MTARC2: variants seen among roughly 807,000 people sequenced by gnomAD.
The protein encoded by MTARC2 is mitochondrial amidoxime reducing component 2.
Under a neutral mutation model 35.6 loss-of-function variants are expected in MTARC2, and 27 were observed. The ratio of observed to expected loss-of-function variants is 0.76; its 90% CI spans 0.56 to 1.04. MTARC2 has a LOEUF of 1.04. Ranked by LOEUF, MTARC2 falls within the 50% of genes least tolerant of loss-of-function variation. The probability of loss-of-function intolerance (pLI) is 0.00; values close to 1 mark genes in which losing one functional copy is unlikely to be tolerated. For missense variants in MTARC2, 412 were observed against 432.5 expected (o/e 0.95, Z 0.42); for synonymous variants, 158 against 167.1 (o/e 0.95, Z 0.42).
rs57776178 is a variant in MTARC2, at chr1:220,771,296, C to CAAAAAAAAAAAA, written c.750+8258_750+8269dup. On this transcript the variant is annotated intron_variant, in intron 4 of 7. Transcript: ENST00000366913. The stretch of plus-strand genomic sequence containing the variant: ...CCTTGGTGACAGAGTGAGACTGTCT[C>CAAAAAAAAAAAA]AAAAAAAAAAAAAAAAAAAAAAAGC... Among the ~76,000 whole-genome samples the CAAAAAAAAAAAA allele has an allele frequency of 6.0e-4, 34 of 57,102 alleles. 4 individuals carry two copies. Among genetic ancestry groups the CAAAAAAAAAAAA allele is most frequent in the African/African-American group, 2.3e-3 (34 of 14,680 alleles). The allele number at this position is 57,102 out of a possible 152,430, so 37.5% of individuals were successfully genotyped here. A position where few individuals can be genotyped will look rare whatever the true frequency, so the allele number is the denominator to read the frequency against.
intron 7 of MTARC2, among the ~76,000 whole-genome samples, chr1:220,783,316 T>G (rs139123339): frequency 7.5e-4 from 115 of 152,330 alleles, no homozygotes; most frequent in African/African-American, 2.6e-3. Context: ...GGGGAAACTG[T>G]GAAGCTCCTA....
At chr1:220,768,453 G>C (rs1671644403) in intron 4 of MTARC2, among the ~76,000 whole-genome samples, 1 of 152,178 alleles carries the variant, frequency 6.6e-6, no homozygotes, top group South Asian at 2.1e-4. Context: ...CTGAGACTCA[G>C]AGAAGTTGAG....
At position 220,749,438 on chromosome 1, in the gene MTARC2, T is replaced by C. The variant is rs1366082533; in HGVS notation, c.272+635T>C. ...TAAGATGCCTTCTTCTTTTTTTTTT[T>C]TTTTTTTTTTGAGACAGAATCTCAC... On this transcript the variant is annotated intron_variant, in intron 1 of 7. Coordinates refer to ENST00000366913, the MANE Select transcript of MTARC2 (RefSeq NM_017898.5). Among the ~76,000 whole-genome samples, 7 of 150,634 alleles carry C rather than the reference T, an allele frequency of 4.6e-5. No individual in the cohort carries two copies. In the East Asian group the frequency reaches 9.7e-4, roughly 21 times the overall value.
At chr1:220,761,846 A>G (rs1671446096) in intron 3 of MTARC2, 26 bp downstream of exon 3, 1 of 1,578,714 alleles carries the variant, frequency 6.3e-7, no homozygotes, top group South Asian at 1.2e-5. Context: ...GTTTACCTTC[A>G]CTGCTACTAG....
intron 4 of MTARC2, among the ~76,000 whole-genome samples, chr1:220,772,288 T>C (rs1026414447): frequency 6.6e-6 from 1 of 152,230 alleles, no homozygotes; most frequent in Non-Finnish European, 1.5e-5. Context: ...TCTGTATATA[T>C]TGCCAAATTG....
intron 1 of MTARC2, among the ~76,000 whole-genome samples, chr1:220,749,202 C>G (rs1341324773): frequency 6.6e-6 from 1 of 152,152 alleles, no homozygotes; most frequent in Admixed American, 6.5e-5. Flanking sequence ...CCTTGCTGGG[C>G]CTTGTTCCTC....
chr1:220,761,860 C>T (rs1671447101), intron 3 of MTARC2, 40 bp downstream of exon 3: 1 of 1,546,434 alleles, frequency 6.5e-7, no homozygotes, highest in Admixed American at 2.1e-5. Flanking sequence ...CTACTAGTCA[C>T]CCTTCTCTTT....
chr1:220,767,673 C>G (rs1192528869), intron 4 of MTARC2, among the ~76,000 whole-genome samples: 1 of 152,168 alleles, frequency 6.6e-6, no homozygotes, highest in Non-Finnish European at 1.5e-5. Flanking sequence ...AATGGAATAA[C>G]TTGTTTGTAT....
Position 220,748,481 on chromosome 1 carries a change from T to C in MTARC2, c.-51T>C. On this transcript the variant is annotated 5_prime_UTR_variant, in exon 1 of 8. Transcript: ENST00000366913. The stretch of plus-strand genomic sequence containing the variant: ...TAAGGGCCTCCTCGTCCTCCCGGTC[T>C]CCGGTCGCTGCCGGGTCTGTGCGCC... 1 of 1,349,686 alleles carries C rather than the reference T, an allele frequency of 7.4e-7. No individual in the cohort carries two copies. 83.6% of individuals were successfully genotyped at this position (1,349,686 alleles called of 1,614,324 possible).
chr1:220,748,874 C>G (rs1558060855), intron 1 of MTARC2, 71 bp downstream of exon 1: 26 of 1,464,380 alleles, frequency 1.8e-5, no homozygotes, highest in Non-Finnish European at 2.3e-5. Flanking sequence ...CAGGTGGGGC[C>G]CGATCTATCT....
intron 4 of MTARC2, among the ~76,000 whole-genome samples, chr1:220,771,296 C>CAAAAGAAA (rs1671737704): frequency 1.8e-5 from 1 of 57,108 alleles, no homozygotes; most frequent in Non-Finnish European, 3.3e-5. Flanking sequence ...GAGACTGTCT[C>CAAAAGAAA]AAAAAAAAAA....
At chr1:220,771,677 C>T (rs1327261229) in intron 4 of MTARC2, among the ~76,000 whole-genome samples, 4 of 151,784 alleles carry the variant, frequency 2.6e-5, no homozygotes. Context: ...CTTTGCACAG[C>T]TTGAAAAACA....
Position 220,748,740 on chromosome 1 carries a change from G to A in MTARC2, c.209G>A (p.Gly70Glu), listed in dbSNP as rs1306231221. Residue 70 changes from glycine to glutamate, a missense_variant, in exon 1 of 8, where the codon GGG becomes GAG. Coordinates refer to ENST00000366913, the MANE Select transcript of MTARC2 (RefSeq NM_017898.5). ...ATCTACCCGGTGAAATCCTGCAAAGGGGTGCCGGTGAGCGAGGCTGAGTGC... is the reference window on the plus strand; with the variant it reads ...ATCTACCCGGTGAAATCCTGCAAAGAGGTGCCGGTGAGCGAGGCTGAGTGC... ...LWIYPVKSCK[G>E]VPVSEAECTA... 1.9e-6 allele frequency: 3 copies of A among 1,600,556 alleles called. No individual in the cohort carries two copies. The highest frequency in any genetic ancestry group is 1.7e-5 in the Admixed American group (1 of 58,890).
intron 7 of MTARC2, among the ~76,000 whole-genome samples, chr1:220,782,494 T>G (rs1318954202): frequency 6.6e-6 from 1 of 152,148 alleles, no homozygotes; most frequent in African/African-American, 2.4e-5. Context: ...CAGCCCTCAC[T>G]CCTGGAGGCA....
At position 220,748,812 on chromosome 1, in the gene MTARC2, C is replaced by G. The variant is rs756008157; in HGVS notation, c.272+9C>G. 1 of 1,574,548 alleles carries G rather than the reference C, an allele frequency of 6.4e-7. No individual in the cohort carries two copies. Among genetic ancestry groups the G allele is most frequent in the Non-Finnish European group, 8.6e-7 (1 of 1,162,256 alleles). On this transcript the variant is annotated intron_variant, in intron 1 of 7. Coordinates refer to ENST00000366913, the MANE Select transcript of MTARC2 (RefSeq NM_017898.5). ...GGCAACCTGCGGGACAGGTACAGCA[C>G]AGCGCGGGCGCGGGGCAGCGCGGAG...
intron 4 of MTARC2, among the ~76,000 whole-genome samples, chr1:220,763,778 C>T (rs1457337197): frequency 6.6e-6 from 1 of 152,206 alleles, no homozygotes; most frequent in African/African-American, 2.4e-5. Context: ...GGGTGCTAGG[C>T]ATTGAGCTAA....
chr1:220,757,830 C>A (rs997933640), intron 2 of MTARC2, among the ~76,000 whole-genome samples: 1 of 152,080 alleles, frequency 6.6e-6, no homozygotes, highest in South Asian at 2.1e-4. Context: ...AGATGGTAAG[C>A]GACAGAGTGA....
intron 1 of MTARC2, 53 bp downstream of exon 1, chr1:220,748,856 C>T (rs962688080): frequency 1.7e-4 from 246 of 1,490,328 alleles, no homozygotes; most frequent in Non-Finnish European, 2.1e-4. Context: ...GGATGAGGAG[C>T]GGGGGGGCAG....
At chr1:220,753,350 C>G (rs1442938614) in intron 1 of MTARC2, among the ~76,000 whole-genome samples, 1 of 152,246 alleles carries the variant, frequency 6.6e-6, no homozygotes, top group Non-Finnish European at 1.5e-5. Context: ...ACTGGAATGC[C>G]TTTACACTGC....
Sources: allele counts gnomAD v4.1 joint callset (sites outside exome capture counted in the v4.1 genomes callset), GRCh38; gene constraint gnomAD v4.1.1; transcripts MANE v1.5; gene names NCBI Gene and HGNC (gene_info 2026-07-23, HGNC 2026-07-21).